The following SCHIP1 variants were observed in gnomAD, a reference collection of about 807,000 sequenced individuals.
The protein encoded by SCHIP1 is schwannomin interacting protein 1, also known as schwannomin-interacting protein 1.
Under a neutral mutation model 29.7 loss-of-function variants are expected in SCHIP1, and 8 were observed. The observed-to-expected ratio is 0.27, with a 90% CI of 0.16 to 0.49. The LOEUF (loss-of-function observed/expected upper bound fraction) is 0.49. Among genes scored for constraint, SCHIP1 ranks in the 20% least tolerant of loss-of-function variants. The pLI is 0.99. For missense variants in SCHIP1, 193 were observed against 294.6 expected (o/e 0.66, Z 2.52); for synonymous variants, 76 against 94.9 (o/e 0.80, Z 1.16).
the SCHIP1 span, among the ~76,000 whole-genome samples, chr3:159,570,606 TA>T: frequency 6.6e-6 from 1 of 152,198 alleles, no homozygotes; most frequent in African/African-American, 2.4e-5. Context: ...TCTTTTTGCT[TA>T]GGATTGTCTT....
At chr3:159,432,339 T>TGAGAGAGAGA in the SCHIP1 span, among the ~76,000 whole-genome samples, 10 of 69,308 alleles carry the variant, frequency 1.4e-4, no homozygotes, top group African/African-American at 4.7e-4. Context: ...TGTGTGTGTG[T>TGAGAGAGAGA]GAGAGAGAGA....
chr3:159,535,614 C>A, the SCHIP1 span, among the ~76,000 whole-genome samples: 1 of 152,294 alleles, frequency 6.6e-6, no homozygotes, highest in Non-Finnish European at 1.5e-5. Context: ...TCTCAGGGAC[C>A]TGTGGGTAAT....
chr3:159,706,792 C>G, the SCHIP1 span, among the ~76,000 whole-genome samples: 9 of 152,104 alleles, frequency 5.9e-5, no homozygotes, highest in Non-Finnish European at 1.2e-4. Flanking sequence ...AGTTAGTTGA[C>G]CAGTTGGTTA....
the SCHIP1 span, among the ~76,000 whole-genome samples, chr3:159,410,314 G>A: frequency 6.6e-6 from 1 of 152,000 alleles, no homozygotes; most frequent in Admixed American, 6.6e-5. Context: ...GCACAGCAAA[G>A]GAAACAATCA....
chr3:159,525,849 T>C, the SCHIP1 span, among the ~76,000 whole-genome samples: 31 of 152,232 alleles, frequency 2.0e-4, no homozygotes, highest in Admixed American at 4.6e-4. Flanking sequence ...CTTAAATGCT[T>C]ATTTTACACA....
At chr3:159,882,353 CT>C (rs904459814) in intron 2 of SCHIP1, among the ~76,000 whole-genome samples, 13 of 152,302 alleles carry the variant, frequency 8.5e-5, no homozygotes, top group African/African-American at 2.6e-4. Flanking sequence ...GGATAAAAAT[CT>C]TACCAATGAA....
At chr3:159,579,693 T>A in the SCHIP1 span, among the ~76,000 whole-genome samples, 100 of 152,310 alleles carry the variant, frequency 6.6e-4, no homozygotes, top group African/African-American at 2.4e-3. Flanking sequence ...AAGCGGACTT[T>A]GACCTGCATT....
chr3:159,319,595 T>C, the SCHIP1 span, among the ~76,000 whole-genome samples: 1 of 152,230 alleles, frequency 6.6e-6, no homozygotes, highest in Non-Finnish European at 1.5e-5. Context: ...GTTAAAGTTC[T>C]ATTAAAATGT....
intron 2 of SCHIP1, among the ~76,000 whole-genome samples, chr3:159,882,499 C>A (rs1282593838): frequency 2.0e-5 from 3 of 152,140 alleles, no homozygotes; most frequent in African/African-American, 7.2e-5. Flanking sequence ...TGGCCTCAGA[C>A]CAGCCCAATC....
chr3:159,761,070 A>G, the SCHIP1 span, among the ~76,000 whole-genome samples: 3 of 152,242 alleles, frequency 2.0e-5, no homozygotes, highest in African/African-American at 7.2e-5. Context: ...AAATTTACCA[A>G]AAGAAGTGGG....
At chr3:159,839,426 A>G (rs902029006), upstream of SCHIP1, among the ~76,000 whole-genome samples, 1 of 152,138 alleles carries the variant, frequency 6.6e-6, no homozygotes, top group African/African-American at 2.4e-5. Flanking sequence ...TGACTTAAAA[A>G]GAAGCTAGGA....
At chr3:159,679,546 G>A in the SCHIP1 span, among the ~76,000 whole-genome samples, 5 of 152,188 alleles carry the variant, frequency 3.3e-5, no homozygotes, top group African/African-American at 1.2e-4. Flanking sequence ...TGGAGGATCC[G>A]TGTCTGGCCT....
the SCHIP1 span, among the ~76,000 whole-genome samples, chr3:159,365,437 A>T: frequency 1.3e-5 from 2 of 152,110 alleles, no homozygotes; most frequent in African/African-American, 2.4e-5. Context: ...ATTACTCTTT[A>T]TCCCTTTGTC....
chr3:159,631,778 T>C, the SCHIP1 span, among the ~76,000 whole-genome samples: 3 of 152,202 alleles, frequency 2.0e-5, no homozygotes, highest in Admixed American at 2.0e-4. Flanking sequence ...ATGTATTTCG[T>C]GCCACTGAAT....
At chr3:159,844,287 A>G (rs1711520750) in intron 1 of SCHIP1, among the ~76,000 whole-genome samples, 1 of 152,224 alleles carries the variant, frequency 6.6e-6, no homozygotes, top group African/African-American at 2.4e-5. Context: ...TTTCGCTGCT[A>G]CCAAGAGCCT....
chr3:159,771,020 C>T, the SCHIP1 span, among the ~76,000 whole-genome samples: 80 of 152,274 alleles, frequency 5.3e-4, no homozygotes, highest in South Asian at 0.016. Context: ...TTAATTGACA[C>T]GTTAATTGAA....
At chr3:159,289,850 T>A in the SCHIP1 span, among the ~76,000 whole-genome samples, 8 of 152,326 alleles carry the variant, frequency 5.3e-5, no homozygotes, top group South Asian at 8.3e-4. Flanking sequence ...GTGGCACATT[T>A]CAACGTTCTT....
the SCHIP1 span, among the ~76,000 whole-genome samples, chr3:159,494,036 G>T: frequency 3.9e-5 from 6 of 152,168 alleles, no homozygotes; most frequent in Non-Finnish European, 7.3e-5. Flanking sequence ...CAGAAATAAA[G>T]ATGTTCTTTG....
the SCHIP1 span, among the ~76,000 whole-genome samples, chr3:159,653,694 T>C: frequency 6.7e-6 from 1 of 149,876 alleles, no homozygotes; most frequent in Middle Eastern, 3.5e-3. Context: ...CCATGGCACA[T>C]GTATACCTAT....
Sources: allele counts gnomAD v4.1 joint callset (sites outside exome capture counted in the v4.1 genomes callset), GRCh38; gene constraint gnomAD v4.1.1; transcripts MANE v1.5; gene names NCBI Gene and HGNC (gene_info 2026-07-23, HGNC 2026-07-21).